PEPD: variants seen among roughly 807,000 people sequenced by gnomAD.
The protein encoded by PEPD is xaa-Pro dipeptidase.
A neutral mutation model predicts 60.7 loss-of-function variants in PEPD; 53 were observed. That is an observed-to-expected ratio of 0.87 (90% confidence interval 0.70 to 1.10). The LOEUF (loss-of-function observed/expected upper bound fraction) is 1.10, where lower values mean the gene tolerates loss of function less well. Among genes scored for constraint, PEPD ranks in the 50% least tolerant of loss-of-function variants. The probability of loss-of-function intolerance (pLI) is 0.00; values close to 1 mark genes in which losing one functional copy is unlikely to be tolerated. For missense variants in PEPD, 711 were observed against 711.9 expected (o/e 1.00, Z 0.01); for synonymous variants, 267 against 284.1 (o/e 0.94, Z 0.60).
At chr19:33,470,927 G>T (rs1226755559) in intron 7 of PEPD, among the ~76,000 whole-genome samples, 1 of 152,110 alleles carries the variant, frequency 6.6e-6, no homozygotes, top group Non-Finnish European at 1.5e-5. Context: ...GTGGACCACA[G>T]GAGCCCACAC....
rs578199259 is a variant in PEPD, at chr19:33,422,222, C to G, written c.672-8579G>C. Reference sequence around the variant, plus strand: ...AAAGCCACAGCATGCTCTCTCTCCCCCTTCAGGTCTCTCCTCCCCTTCACA... The same window carrying G: ...AAAGCCACAGCATGCTCTCTCTCCCGCTTCAGGTCTCTCCTCCCCTTCACA... On this transcript the variant is annotated intron_variant, in intron 9 of 14. Coordinates refer to ENST00000244137, the MANE Select transcript of PEPD (RefSeq NM_000285.4). 4.7e-4 allele frequency among the ~76,000 whole-genome samples: 72 copies of G among 152,122 alleles called. 1 individual carries two copies. The highest frequency in any genetic ancestry group is 1.9e-3 in the Admixed American group (29 of 15,282).
At chr19:33,446,441 G>A (rs532636217) in intron 9 of PEPD, among the ~76,000 whole-genome samples, 115 of 152,328 alleles carry the variant, frequency 7.5e-4, no homozygotes, top group Middle Eastern at 3.4e-3. Flanking sequence ...CTAAGACCTA[G>A]ACCCACCCGG....
At position 33,387,684 on chromosome 19, in the gene PEPD, T is replaced by C. The variant is rs1600069897; in HGVS notation, c.1345-203A>G. 3.8e-6 allele frequency: 3 copies of C among 788,470 alleles called. No homozygotes were observed. The East Asian group carries it at 8.0e-5, about 21-fold the overall frequency. 48.8% of individuals were successfully genotyped at this position (788,470 alleles called of 1,614,324 possible). A position where few individuals can be genotyped will look rare whatever the true frequency, so the allele number is the denominator to read the frequency against. On this transcript the variant is annotated intron_variant, in intron 14 of 14. Transcript: ENST00000244137. ...TCTTTGCCAGGTGGATGGGAGCCCC[T>C]GGAGCGGGCAGGGGTTTTGCAGGAT...
intron 3 of PEPD, among the ~76,000 whole-genome samples, chr19:33,501,901 A>G (rs994242045): frequency 6.6e-6 from 1 of 152,104 alleles, no homozygotes; most frequent in African/African-American, 2.4e-5. Context: ...CAGTATCAGT[A>G]TTACTCAATG....
At chr19:33,423,135 C>G (rs956414563) in intron 9 of PEPD, among the ~76,000 whole-genome samples, 1 of 152,214 alleles carries the variant, frequency 6.6e-6, no homozygotes, top group Non-Finnish European at 1.5e-5. Context: ...ATCTATCCAA[C>G]CATCTCTAGC....
intron 5 of PEPD, among the ~76,000 whole-genome samples, chr19:33,491,865 T>C (rs1970505938): frequency 6.6e-6 from 1 of 152,184 alleles, no homozygotes; most frequent in Admixed American, 6.6e-5. Flanking sequence ...GGTTAAATTG[T>C]GGGAGCTAAA....
At chr19:33,437,184 G>C (rs890697738) in intron 9 of PEPD, among the ~76,000 whole-genome samples, 10 of 152,062 alleles carry the variant, frequency 6.6e-5, no homozygotes, top group Non-Finnish European at 4.4e-5. Context: ...AAGCTGTGTT[G>C]CCTGGCTCTG....
At chr19:33,462,503 C>T (rs1251834027) in intron 9 of PEPD, among the ~76,000 whole-genome samples, 2 of 152,236 alleles carry the variant, frequency 1.3e-5, no homozygotes, top group South Asian at 2.1e-4. Flanking sequence ...GCTGGGCAGC[C>T]GCCGGAAGCT....
chr19:33,489,342 GC>G (rs1206579257), intron 6 of PEPD, among the ~76,000 whole-genome samples: 1 of 152,152 alleles, frequency 6.6e-6, no homozygotes, highest in African/African-American at 2.4e-5. Flanking sequence ...AAGAGAGGGG[GC>G]TTGGGACAGG....
At chr19:33,483,408 G>A (rs1044507594) in intron 6 of PEPD, among the ~76,000 whole-genome samples, 2 of 152,168 alleles carry the variant, frequency 1.3e-5, no homozygotes, top group African/African-American at 4.8e-5. Context: ...TCTGACACAA[G>A]AGAACCCTGT....
Position 33,387,363 on chromosome 19 carries a change from G to A in PEPD, c.1463C>T (p.Pro488Leu). The A allele has an allele frequency of 1.2e-6, 2 of 1,614,022 alleles. No homozygotes were observed. The highest frequency in any genetic ancestry group is 1.7e-6 in the Non-Finnish European group (2 of 1,180,040). The change falls in exon 15 of 15, where the codon CCC (proline) becomes CTC (leucine). Residue 488 changes from proline to leucine, a missense_variant. Transcript: ENST00000244137. ...CTGGCTCTACTTGGGGCCAGAGAAG[G>A]GGGTAAAGGCCTTGTCACAGCCTGC... Reference protein sequence around the residue: ...CMAGCDKAFTPFSGPK With the variant: ...CMAGCDKAFTLFSGPK
intron 9 of PEPD, among the ~76,000 whole-genome samples, chr19:33,446,028 G>C (rs1226885823): frequency 6.6e-6 from 1 of 152,190 alleles, no homozygotes; most frequent in African/African-American, 2.4e-5. Context: ...GGACCCCGCA[G>C]CCTGTTCGGG....
chr19:33,500,715 G>A (rs1970691183), intron 4 of PEPD, among the ~76,000 whole-genome samples: 1 of 152,200 alleles, frequency 6.6e-6, no homozygotes, highest in African/African-American at 2.4e-5. Context: ...TACCCACAGA[G>A]TCAGGGGCCT....
At chr19:33,422,237 TC>T (rs1969035075) in intron 9 of PEPD, among the ~76,000 whole-genome samples, 1 of 151,952 alleles carries the variant, frequency 6.6e-6, no homozygotes, top group Admixed American at 6.5e-5. Flanking sequence ...AGGTCTCTCC[TC>T]CCCTTCACAG....
At chr19:33,449,113 T>C (rs1416587010) in intron 9 of PEPD, among the ~76,000 whole-genome samples, 1 of 152,208 alleles carries the variant, frequency 6.6e-6, no homozygotes, top group Admixed American at 6.5e-5. Context: ...AATGGGGGTG[T>C]GGCCAAAGCC....
At chr19:33,489,448 G>A (rs964478280) in intron 6 of PEPD, among the ~76,000 whole-genome samples, 4 of 152,118 alleles carry the variant, frequency 2.6e-5, no homozygotes, top group Non-Finnish European at 5.9e-5. Flanking sequence ...GGCCAACATG[G>A]CAAAACCCCA....
intron 4 of PEPD, among the ~76,000 whole-genome samples, chr19:33,496,274 C>T (rs960333350): frequency 2.0e-5 from 3 of 152,204 alleles, no homozygotes; most frequent in African/African-American, 7.2e-5. Context: ...CTCCGGGCGA[C>T]GACTCTCAGG....
At chr19:33,411,513 G>A (rs78453918) in intron 11 of PEPD, among the ~76,000 whole-genome samples, 159 bp downstream of exon 11, 2,087 of 152,276 alleles carry the variant, frequency 0.014, 56 homozygotes, top group African/African-American at 0.048. Flanking sequence ...CACGCAGGCC[G>A]ATAGCCTTGG....
chr19:33,445,710 C>A (rs1403491325), intron 9 of PEPD, among the ~76,000 whole-genome samples: 1 of 152,224 alleles, frequency 6.6e-6, no homozygotes, highest in Non-Finnish European at 1.5e-5. Context: ...CACACTCACA[C>A]AGGCACCTTC....
Sources: gnomAD v4.1 joint callset for allele counts (sites outside exome capture counted in the v4.1 genomes callset) on GRCh38, gnomAD v4.1.1 for gene constraint, MANE v1.5 for transcripts, NCBI Gene and HGNC (gene_info 2026-07-23, HGNC 2026-07-21) for gene names.